VAMP5: variants seen among roughly 807,000 people sequenced by gnomAD.
VAMP5 encodes the protein vesicle associated membrane protein 5, also known as vesicle-associated membrane protein 5.
In VAMP5, 10 loss-of-function variants were observed where a neutral mutation model predicts 8.1. The observed-to-expected ratio is 1.23, with a 90% confidence interval of 0.76 to 2.09. VAMP5 has a LOEUF of 2.09. Among genes scored for constraint, VAMP5 ranks in the 30% most tolerant of loss-of-function variants. VAMP5 has a pLI of 0.00. For missense variants in VAMP5, 135 were observed against 152.5 expected (o/e 0.89, Z 0.60); for synonymous variants, 62 against 60.6 (o/e 1.02, Z -0.11).
chr2:85,584,460 G>A lies in VAMP5; in HGVS notation c.-31G>A, dbSNP rs776664281. ...CGGCCGCTCCGCAGGCAGAGAAGCC[G>A]GGAGCGGGCGAGGCGGCGGCGGCAG... On this transcript the variant is annotated 5_prime_UTR_variant, in exon 1 of 3. Transcript: ENST00000306384. 5 of 1,244,338 alleles carry A rather than the reference G, an allele frequency of 4.0e-6. No individual in the cohort carries two copies. The highest frequency in any genetic ancestry group is 4.1e-5 in the Admixed American group (1 of 24,198). 77.1% of individuals were successfully genotyped at this position (1,244,338 alleles called of 1,614,324 possible).
chr2:85,590,833 C>T (rs1317471189), intron 1 of VAMP5, among the ~76,000 whole-genome samples: 3 of 152,214 alleles, frequency 2.0e-5, no homozygotes, highest in African/African-American at 4.8e-5. Flanking sequence ...CTCTCTGTTA[C>T]GTGCACCCAA....
intron 1 of VAMP5, among the ~76,000 whole-genome samples, chr2:85,586,704 T>A (rs963231069): frequency 6.6e-6 from 1 of 152,144 alleles, no homozygotes; most frequent in Non-Finnish European, 1.5e-5. Context: ...CCTCAGAGTA[T>A]GTGCCCATTG....
At chr2:85,586,280 A>G (rs866203932) in intron 1 of VAMP5, among the ~76,000 whole-genome samples, 1 of 152,194 alleles carries the variant, frequency 6.6e-6, no homozygotes, top group Non-Finnish European at 1.5e-5. Flanking sequence ...AAAGTTTCCT[A>G]TAAAACTGGG....
chr2:85,589,577 C>T (rs971314498), intron 1 of VAMP5, among the ~76,000 whole-genome samples: 1 of 152,218 alleles, frequency 6.6e-6, no homozygotes, highest in Non-Finnish European at 1.5e-5. Context: ...CCAGCATTTT[C>T]CCAGTCTCTA....
intron 1 of VAMP5, among the ~76,000 whole-genome samples, chr2:85,587,895 G>A (rs1426563834): frequency 2.0e-5 from 3 of 152,280 alleles, no homozygotes; most frequent in Admixed American, 6.5e-5. Flanking sequence ...CGGTACTTGC[G>A]CCCATTCATC....
rs1197313920 is a variant in VAMP5, at chr2:85,587,296, C to T, written c.3+2803C>T. Reference sequence around the variant, plus strand: ...TTTTTGAGACAGAATCTCGCTCTGTCGCCCAGGCTGGAGTGCAGTGGCCCT... The same window carrying T: ...TTTTTGAGACAGAATCTCGCTCTGTTGCCCAGGCTGGAGTGCAGTGGCCCT... On this transcript the variant is annotated intron_variant, in intron 1 of 2. Transcript: ENST00000306384. Among the ~76,000 whole-genome samples, 9 of 150,790 alleles carry T rather than the reference C, an allele frequency of 6.0e-5. No individual in the cohort carries two copies. The South Asian group carries it at 1.0e-3, about 17-fold the overall frequency.
At chr2:85,584,643 C>A in intron 1 of VAMP5, 150 bp downstream of exon 1, 1 of 997,874 alleles carries the variant, frequency 1.0e-6, no homozygotes, top group Non-Finnish European at 1.3e-6. Flanking sequence ...TGGAGCAGGA[C>A]GGGGCGGACC....
intron 1 of VAMP5, among the ~76,000 whole-genome samples, chr2:85,585,553 C>G (rs1672449427): frequency 6.6e-6 from 1 of 152,210 alleles, no homozygotes; most frequent in African/African-American, 2.4e-5. Context: ...AGCCCAGAGC[C>G]CACTTAAGGG....
In VAMP5 at chr2:85,584,467, G is replaced by A; in HGVS notation, c.-24G>A. The A allele has an allele frequency of 8.0e-7, 1 of 1,243,888 alleles. No homozygotes were observed. The highest frequency in any genetic ancestry group is 1.0e-6 in the Non-Finnish European group (1 of 995,172). The allele number at this position is 1,243,888 out of a possible 1,614,324, so 77.1% of individuals were successfully genotyped here. A position where few individuals can be genotyped will look rare whatever the true frequency, so the allele number is the denominator to read the frequency against. On this transcript the variant is annotated 5_prime_UTR_variant, in exon 1 of 3. Transcript: ENST00000306384. ...TCCGCAGGCAGAGAAGCCGGGAGCG[G>A]GCGAGGCGGCGGCGGCAGCAGCGAT...
chr2:85,593,197 GC>G lies in VAMP5; in HGVS notation c.*42del. On this transcript the variant is annotated 3_prime_UTR_variant, in exon 3 of 3. Transcript: ENST00000306384. The stretch of plus-strand genomic sequence containing the variant: ...AAGGAGAAGCCAAATGGCTGCACTG[GC>G]CGATTCTGGTCTCCAGAGGACCTTG... The G allele has an allele frequency of 6.2e-7, 1 of 1,607,392 alleles. No homozygotes were observed. The highest frequency in any genetic ancestry group is 8.5e-7 in the Non-Finnish European group (1 of 1,176,522).
At chr2:85,592,569 G>A (rs1056761905) in intron 2 of VAMP5, among the ~76,000 whole-genome samples, 2 of 152,052 alleles carry the variant, frequency 1.3e-5, no homozygotes, top group Non-Finnish European at 1.5e-5. Context: ...TTGGGAGGCC[G>A]AGGTGGGCAG....
At chr2:85,590,349 C>T (rs1672522462) in intron 1 of VAMP5, among the ~76,000 whole-genome samples, 1 of 152,186 alleles carries the variant, frequency 6.6e-6, no homozygotes, top group South Asian at 2.1e-4. Flanking sequence ...TCCTTGCTTG[C>T]AATGGTCAGC....
chr2:85,585,522 A>G (rs1272649723), intron 1 of VAMP5, among the ~76,000 whole-genome samples: 1 of 152,226 alleles, frequency 6.6e-6, no homozygotes. Context: ...GAAGCTGAGG[A>G]AGGCTCTGAG....
At chr2:85,591,927 T>C in intron 2 of VAMP5, 65 bp downstream of exon 2, 2 of 1,598,330 alleles carry the variant, frequency 1.3e-6, no homozygotes, top group South Asian at 2.2e-5. Context: ...TTGGGCTGTA[T>C]TCAGGATCTC....
In VAMP5 at chr2:85,591,965, T is replaced by C. The variant is rs1235596324; in HGVS notation, c.141+103T>C. 8 of 1,533,650 alleles carry C rather than the reference T, an allele frequency of 5.2e-6. No homozygotes were observed. The East Asian group carries it at 1.6e-4, about 31-fold the overall frequency. On this transcript the variant is annotated intron_variant, in intron 2 of 2. Coordinates refer to ENST00000306384, the MANE Select transcript of VAMP5 (RefSeq NM_006634.3). The stretch of plus-strand genomic sequence containing the variant: ...GTTCCTTGGTGGGGTTGAGGCCTTC[T>C]TGAGGGCCAGTGTGGGGCCTCTGGG...
chr2:85,589,508 G>A (rs1365733066), intron 1 of VAMP5, among the ~76,000 whole-genome samples: 1 of 152,154 alleles, frequency 6.6e-6, no homozygotes, highest in Admixed American at 6.5e-5. Flanking sequence ...ATCACCCCTT[G>A]TTGAAAAATA....
intron 1 of VAMP5, among the ~76,000 whole-genome samples, chr2:85,590,952 G>C (rs568451833): frequency 6.6e-6 from 1 of 152,178 alleles, no homozygotes. Flanking sequence ...GAAATGAGCT[G>C]GTGTTTTCTG....
rs1459999041 is a variant in VAMP5 at position 85,593,005 on chromosome 2, A to G, written c.199A>G (p.Ile67Val). The stretch of plus-strand genomic sequence containing the variant: ...GGCCCAGAAGAAGTGCTGGGAGAAC[A>G]TCCGTTACCGGATCTGCGTGGGGCT... The part of the protein sequence containing the change: ...NLAQKKCWEN[I>V]RYRICVGLVV... The change falls in exon 3 of 3, where the codon ATC becomes GTC. Residue 67 changes from isoleucine to valine, a missense_variant. Coordinates refer to ENST00000306384, the MANE Select transcript of VAMP5 (RefSeq NM_006634.3). 9 of 1,614,120 alleles carry G rather than the reference A, an allele frequency of 5.6e-6. No individual in the cohort carries two copies. Among genetic ancestry groups the G allele is most frequent in the South Asian group, 1.1e-5 (1 of 91,078 alleles).
chr2:85,587,376 C>A (rs1161454659), intron 1 of VAMP5, among the ~76,000 whole-genome samples: 2 of 151,912 alleles, frequency 1.3e-5, no homozygotes, highest in Non-Finnish European at 2.9e-5. Context: ...GCCTCAGCCT[C>A]CCGAGTAGCT....
Sources: allele counts gnomAD v4.1 joint callset (sites outside exome capture counted in the v4.1 genomes callset), GRCh38; gene constraint gnomAD v4.1.1; transcripts MANE v1.5; gene names NCBI Gene and HGNC (gene_info 2026-07-23, HGNC 2026-07-21).